Variants in NKAIN2 observed in about 807,000 individuals in gnomAD.
The protein encoded by NKAIN2 is sodium/potassium transporting ATPase interacting 2.
NKAIN2 carries 14 observed loss-of-function variants against 32.6 expected under a neutral mutation model. The observed-to-expected ratio is 0.43, with a 90% CI of 0.28 to 0.67. The LOEUF (loss-of-function observed/expected upper bound fraction) is 0.67. NKAIN2 is among the 30% of genes least tolerant of loss of function. NKAIN2 has a pLI of 0.17. For missense variants in NKAIN2, 198 were observed against 258.3 expected, an observed-to-expected ratio of 0.77 and a Z score of 1.60; for synonymous variants, 80 against 87.2, an observed-to-expected ratio of 0.92 and a Z score of 0.46.
intron 1 of NKAIN2, among the ~76,000 whole-genome samples, chr6:124,145,165 A>T (rs1787338015): frequency 1.3e-5 from 2 of 152,360 alleles, no homozygotes; most frequent in South Asian, 4.1e-4. Context: ...GACCTGACAT[A>T]CATTTCTGGT....
intron 4 of NKAIN2, among the ~76,000 whole-genome samples, chr6:124,717,322 T>C (rs796964689): frequency 8.2e-4 from 125 of 152,322 alleles, no homozygotes; most frequent in African/African-American, 2.9e-3. Context: ...AGACAATTGG[T>C]GATACTCAAT....
intron 1 of NKAIN2, among the ~76,000 whole-genome samples, chr6:123,833,982 T>G (rs1482011830): frequency 6.6e-6 from 1 of 151,868 alleles, no homozygotes; most frequent in Non-Finnish European, 1.5e-5. Flanking sequence ...CGCCTCAGCC[T>G]CCCAAAGTCC....
intron 1 of NKAIN2, among the ~76,000 whole-genome samples, chr6:124,140,560 C>T (rs1212270812): frequency 6.6e-6 from 1 of 152,072 alleles, no homozygotes; most frequent in Non-Finnish European, 1.5e-5. Flanking sequence ...ATGCACAGAA[C>T]ATTTGAGAAT....
chr6:124,199,779 A>G (rs1183941861), intron 1 of NKAIN2, among the ~76,000 whole-genome samples: 1 of 152,160 alleles, frequency 6.6e-6, no homozygotes, highest in African/African-American at 2.4e-5. Context: ...TTTCAGTATA[A>G]TCAAAGCAAA....
intron 1 of NKAIN2, among the ~76,000 whole-genome samples, chr6:124,178,875 G>T (rs1014310484): frequency 4.6e-5 from 7 of 152,160 alleles, no homozygotes; most frequent in African/African-American, 1.4e-4. Context: ...AATAGAAACA[G>T]TGAATTCAGA....
intron 2 of NKAIN2, among the ~76,000 whole-genome samples, chr6:124,297,149 C>G (rs1277363602): frequency 6.6e-6 from 1 of 152,086 alleles, no homozygotes; most frequent in Admixed American, 6.6e-5. Flanking sequence ...GATCCTTGAA[C>G]AACATAGGGG....
intron 4 of NKAIN2, among the ~76,000 whole-genome samples, chr6:124,702,958 T>G (rs897682688): frequency 1.3e-5 from 2 of 152,140 alleles, no homozygotes; most frequent in Non-Finnish European, 2.9e-5. Flanking sequence ...ACATTTTTAT[T>G]TGAAAACAAA....
At chr6:124,268,702 A>G (rs1340004523) in intron 1 of NKAIN2, among the ~76,000 whole-genome samples, 4 of 151,136 alleles carry the variant, frequency 2.6e-5, no homozygotes, top group Admixed American at 2.6e-4. Flanking sequence ...ACATTTGTAT[A>G]TATTATAACA....
At chr6:124,216,166 T>C (rs983903401) in intron 1 of NKAIN2, among the ~76,000 whole-genome samples, 1 of 146,142 alleles carries the variant, frequency 6.8e-6, no homozygotes, top group Non-Finnish European at 1.5e-5. Context: ...TCAGTCTAAA[T>C]AGGAGCATGA....
intron 2 of NKAIN2, among the ~76,000 whole-genome samples, chr6:124,324,299 GTTTT>G (rs1264639586): frequency 6.6e-6 from 1 of 151,892 alleles, no homozygotes; most frequent in African/African-American, 2.4e-5. Context: ...GTGTTTTGTA[GTTTT>G]TACCATACAA....
intron 1 of NKAIN2, among the ~76,000 whole-genome samples, chr6:124,039,922 C>G (rs1781788174): frequency 1.3e-5 from 2 of 151,946 alleles, no homozygotes; most frequent in African/African-American, 4.8e-5. Context: ...ATTCACAAAG[C>G]ATGCTTCTAG....
chr6:124,671,948 A>G (rs1165851768), intron 4 of NKAIN2, among the ~76,000 whole-genome samples: 2 of 151,986 alleles, frequency 1.3e-5, no homozygotes, highest in African/African-American at 2.4e-5. Context: ...TAGCTTTAAT[A>G]TTAGATTGGC....
intron 1 of NKAIN2, among the ~76,000 whole-genome samples, chr6:124,170,429 C>T (rs543642440): frequency 6.6e-6 from 1 of 152,302 alleles, no homozygotes; most frequent in African/African-American, 2.4e-5. Flanking sequence ...GAATTTCTCT[C>T]TGCTAAATAG....
At chr6:124,155,889 C>T (rs1163488234) in intron 1 of NKAIN2, among the ~76,000 whole-genome samples, 1 of 150,994 alleles carries the variant, frequency 6.6e-6, no homozygotes, top group Non-Finnish European at 1.5e-5. Context: ...TAAATTGCAC[C>T]TTAAGGTCCT....
chr6:124,538,535 T>C (rs1378685465), intron 3 of NKAIN2, among the ~76,000 whole-genome samples: 1 of 152,146 alleles, frequency 6.6e-6, no homozygotes, highest in African/African-American at 2.4e-5. Flanking sequence ...TATGTTTACA[T>C]GCAGCATTCA....
At chr6:124,542,862 C>T (rs1779960062) in intron 3 of NKAIN2, among the ~76,000 whole-genome samples, 2 of 151,958 alleles carry the variant, frequency 1.3e-5, no homozygotes, top group Non-Finnish European at 2.9e-5. Context: ...AGATAATATT[C>T]ATAACATTTC....
At chr6:124,394,856 G>A (rs955008867) in intron 3 of NKAIN2, among the ~76,000 whole-genome samples, 11 of 151,960 alleles carry the variant, frequency 7.2e-5, no homozygotes, top group Admixed American at 5.2e-4. Flanking sequence ...AAGATCTCTC[G>A]GCCCAGTCAA....
At chr6:124,032,286 A>T (rs1419146625) in intron 1 of NKAIN2, among the ~76,000 whole-genome samples, 1 of 149,300 alleles carries the variant, frequency 6.7e-6, no homozygotes, top group African/African-American at 2.5e-5. Flanking sequence ...GGGGAGGGAT[A>T]GCATTAGGAG....
chr6:124,416,181 G>T (rs891886592), intron 3 of NKAIN2, among the ~76,000 whole-genome samples: 1 of 152,148 alleles, frequency 6.6e-6, no homozygotes, highest in Non-Finnish European at 1.5e-5. Context: ...CCAAAGAATT[G>T]CATGGCCAGC....
Sources: allele counts gnomAD v4.1 joint callset (sites outside exome capture counted in the v4.1 genomes callset), GRCh38; gene constraint gnomAD v4.1.1; transcripts MANE v1.5; gene names NCBI Gene and HGNC (gene_info 2026-07-23, HGNC 2026-07-21).